The following CNTN1 variants were observed in gnomAD, a reference collection of about 807,000 sequenced individuals.
CNTN1 encodes the protein contactin-1.
A neutral mutation model predicts 126.4 loss-of-function variants in CNTN1; 38 were observed. That is an observed-to-expected ratio of 0.30 (90% CI 0.23 to 0.39). CNTN1 has a LOEUF of 0.39. CNTN1 is among the 10% of genes least tolerant of loss of function. The probability of loss-of-function intolerance (pLI) is 1.00; values close to 1 mark genes in which losing one functional copy is unlikely to be tolerated. For missense variants in CNTN1, 1,009 were observed against 1,248.4 expected (o/e 0.81, Z 2.89); for synonymous variants, 413 against 422.6 (o/e 0.98, Z 0.28).
At chr12:40,718,014 G>A (rs1366171948) in intron 1 of CNTN1, among the ~76,000 whole-genome samples, 1 of 152,032 alleles carries the variant, frequency 6.6e-6, no homozygotes, top group Non-Finnish European at 1.5e-5. Flanking sequence ...TTTTTTCTCA[G>A]TGTTTTATTT....
intron 1 of CNTN1, among the ~76,000 whole-genome samples, chr12:40,899,931 T>C (rs1944549563): frequency 6.6e-6 from 1 of 152,172 alleles, no homozygotes. Flanking sequence ...AGATACTAAG[T>C]ATCTTTTAAA....
chr12:40,935,219 C>T (rs1422306792), intron 9 of CNTN1, among the ~76,000 whole-genome samples: 1 of 152,004 alleles, frequency 6.6e-6, no homozygotes, highest in African/African-American at 2.4e-5. Context: ...GAAATGGCCT[C>T]CTAAAAGGAA....
At chr12:40,873,470 CATAAT>C (rs556037396) in intron 1 of CNTN1, among the ~76,000 whole-genome samples, 21 of 152,250 alleles carry the variant, frequency 1.4e-4, no homozygotes, top group African/African-American at 4.8e-4. Flanking sequence ...TATTTTAAAA[CATAAT>C]ATAGATTCTC....
In CNTN1 at chr12:40,740,940, C is replaced by T. The variant is rs1937919625; in HGVS notation, c.-77+48348C>T. ...GTGGAACTGTGAAGTCATTATACCT[C>T]TTTTTCCTTATCAATTATTCAGTCT... On this transcript the variant is annotated intron_variant, in intron 1 of 23. Transcript: ENST00000551295. Among the ~76,000 whole-genome samples the T allele has an allele frequency of 2.6e-5, 4 of 152,032 alleles. No homozygotes were observed. In the South Asian group the frequency reaches 8.3e-4, roughly 31 times the overall value.
At chr12:41,051,991 C>T (rs1949698501) in intron 23 of CNTN1, among the ~76,000 whole-genome samples, 2 of 150,876 alleles carry the variant, frequency 1.3e-5, no homozygotes, top group Non-Finnish European at 3.0e-5. Context: ...GTAGATATTA[C>T]TTATTGGAAT....
chr12:41,007,735 G>A (rs1471541477), intron 17 of CNTN1, among the ~76,000 whole-genome samples: 1 of 152,162 alleles, frequency 6.6e-6, no homozygotes, highest in African/African-American at 2.4e-5. Context: ...GCATGCAAAT[G>A]GGCTTTCCAG....
chr12:41,051,692 G>A (rs1949686623), intron 23 of CNTN1, among the ~76,000 whole-genome samples: 2 of 152,194 alleles, frequency 1.3e-5, no homozygotes, highest in South Asian at 4.2e-4. Flanking sequence ...ACCTATAGAA[G>A]TGAGCACCCT....
At chr12:40,813,015 C>CCTTTCTTTCTTTTTCTTTCCTTT (rs1592114938) in intron 1 of CNTN1, among the ~76,000 whole-genome samples, 1 of 97,758 alleles carries the variant, frequency 1.0e-5, no homozygotes, top group Non-Finnish European at 2.3e-5. Context: ...TTCCTTCCAT[C>CCTTTCTTTCTTTTTCTTTCCTTT]CTTTCTTTCT....
At chr12:41,045,204 T>C (rs1949515356) in intron 23 of CNTN1, among the ~76,000 whole-genome samples, 1 of 152,104 alleles carries the variant, frequency 6.6e-6, no homozygotes, top group Non-Finnish European at 1.5e-5. Context: ...CTTTACCTTC[T>C]CTTCTGAAAT....
intron 15 of CNTN1, among the ~76,000 whole-genome samples, chr12:40,974,225 A>G (rs1392567915): frequency 6.6e-6 from 1 of 152,156 alleles, no homozygotes; most frequent in Non-Finnish European, 1.5e-5. Context: ...ATTTATAGCA[A>G]TCAATAAAGA....
At chr12:41,019,272 C>A in intron 19 of CNTN1, among the ~76,000 whole-genome samples, 1 of 152,218 alleles carries the variant, frequency 6.6e-6, no homozygotes, top group East Asian at 1.9e-4. Context: ...AAGTTACCTT[C>A]TCACCTTTTT....
At chr12:40,827,264 C>A (rs1186734130) in intron 1 of CNTN1, among the ~76,000 whole-genome samples, 1 of 151,662 alleles carries the variant, frequency 6.6e-6, no homozygotes, top group African/African-American at 2.4e-5. Flanking sequence ...CACTGACACA[C>A]CCAGAGTAAA....
chr12:41,017,830 G>A (rs940132539), intron 19 of CNTN1, among the ~76,000 whole-genome samples: 2 of 151,948 alleles, frequency 1.3e-5, no homozygotes, highest in Non-Finnish European at 2.9e-5. Context: ...GGTGGCTCAC[G>A]CCTGTAATCC....
chr12:40,722,648 T>TTA (rs1942247545), intron 1 of CNTN1, among the ~76,000 whole-genome samples: 1 of 152,110 alleles, frequency 6.6e-6, no homozygotes, highest in East Asian at 1.9e-4. Context: ...TATCCATGTT[T>TTA]TATATATATT....
At chr12:40,864,599 C>T (rs935648498) in intron 1 of CNTN1, among the ~76,000 whole-genome samples, 1 of 149,308 alleles carries the variant, frequency 6.7e-6, no homozygotes, top group Non-Finnish European at 1.5e-5. Flanking sequence ...GATTTCATAC[C>T]TTTTGTGAAT....
In CNTN1 at chr12:40,780,686, G is replaced by GAA. The variant is rs11393889; in HGVS notation, c.-77+88110_-77+88111dup. On this transcript the variant is annotated intron_variant, in intron 1 of 23. Transcript: ENST00000551295. ...GGCAACACAGTGAGATTCCATCTAA[G>GAA]AAAAAAAAAAAAAAAAACACCAATC... is the stretch of plus-strand genomic sequence containing the variant. 5.3e-3 allele frequency among the ~76,000 whole-genome samples: 677 copies of GAA among 128,220 alleles called. 18 individuals carry two copies. Among genetic ancestry groups the GAA allele is most frequent in the Middle Eastern group, 0.02 (5 of 248 alleles). The allele number at this position is 128,220 out of a possible 152,430, so 84.1% of individuals were successfully genotyped here. A position where few individuals can be genotyped will look rare whatever the true frequency, so the allele number is the denominator to read the frequency against.
chr12:40,825,869 A>T (rs10680891), intron 1 of CNTN1, among the ~76,000 whole-genome samples: 1 of 123,402 alleles, frequency 8.1e-6, no homozygotes, highest in Non-Finnish European at 1.8e-5. Flanking sequence ...TGATGTGTGT[A>T]TGTGTGTCTT....
intron 15 of CNTN1, among the ~76,000 whole-genome samples, chr12:40,979,417 A>G (rs1845554714): frequency 6.6e-6 from 1 of 152,146 alleles, no homozygotes; most frequent in African/African-American, 2.4e-5. Context: ...TAAGCTAAGC[A>G]ACCCAACTGA....
chr12:41,013,701 G>T (rs565841304), intron 17 of CNTN1, among the ~76,000 whole-genome samples: 1 of 152,330 alleles, frequency 6.6e-6, no homozygotes, highest in African/African-American at 2.4e-5. Context: ...TGATATAAGA[G>T]AACGGGGGAG....
Sources: allele counts gnomAD v4.1 joint callset (sites outside exome capture counted in the v4.1 genomes callset), GRCh38; gene constraint gnomAD v4.1.1; transcripts MANE v1.5; gene names NCBI Gene and HGNC (gene_info 2026-07-23, HGNC 2026-07-21).